The following PCBD2 variants were observed in gnomAD, a reference collection of about 807,000 sequenced individuals.
The protein encoded by PCBD2 is pterin-4 alpha-carbinolamine dehydratase 2.
In PCBD2, 12 loss-of-function variants were observed where a neutral mutation model predicts 16.4. That is an observed-to-expected ratio of 0.73 (90% confidence interval 0.47 to 1.19). The LOEUF (loss-of-function observed/expected upper bound fraction) is 1.19, where lower values mean the gene tolerates loss of function less well. Ranked by LOEUF, PCBD2 falls within the 50% of genes most tolerant of loss-of-function variation. The pLI is 0.00. For synonymous variants in PCBD2, 58 were observed against 61.8 expected (o/e 0.94, Z 0.29); for missense variants, 138 against 156.8 (o/e 0.88, Z 0.64).
intron 2 of PCBD2, among the ~76,000 whole-genome samples, chr5:134,911,881 A>G (rs1192168061): frequency 2.6e-5 from 4 of 152,344 alleles, no homozygotes; most frequent in East Asian, 3.9e-4. Context: ...AGGGAATCCC[A>G]TTGGTACAGT....
At chr5:134,911,737 T>C (rs1750771001) in intron 2 of PCBD2, among the ~76,000 whole-genome samples, 1 of 152,222 alleles carries the variant, frequency 6.6e-6, no homozygotes, top group Non-Finnish European at 1.5e-5. Flanking sequence ...TTCTGTTCTC[T>C]ATCCATCTGG....
intron 2 of PCBD2, among the ~76,000 whole-genome samples, chr5:134,954,408 A>T (rs1389028140): frequency 6.6e-6 from 1 of 152,028 alleles, no homozygotes; most frequent in Non-Finnish European, 1.5e-5. Context: ...TTTGCATTCC[A>T]TTCTGTAACT....
intron 2 of PCBD2, among the ~76,000 whole-genome samples, chr5:134,945,534 C>A (rs536474295): frequency 6.6e-6 from 1 of 152,144 alleles, no homozygotes; most frequent in East Asian, 1.9e-4. Flanking sequence ...TATAGAAATG[C>A]GGAAAAATTT....
intron 1 of PCBD2, 197 bp downstream of exon 1, chr5:134,905,420 C>T (rs1490758377): frequency 7.5e-6 from 3 of 399,186 alleles, no homozygotes; most frequent in Non-Finnish European, 1.3e-5. Context: ...TGGCCGCAGC[C>T]TCCGCCACTT....
At chr5:134,923,876 G>A (rs571022822) in intron 2 of PCBD2, 13 of 394,568 alleles carry the variant, frequency 3.3e-5, no homozygotes, top group Admixed American at 1.8e-4. Flanking sequence ...CGGTTGAAGC[G>A]TCTGGTGAGT....
chr5:134,926,833 TTA>T (rs1751006535), intron 2 of PCBD2: 2 of 397,740 alleles, frequency 5.0e-6, no homozygotes, highest in African/African-American at 4.1e-5. Context: ...AGGGCTGTGA[TTA>T]GTATGTTGAG....
At chr5:134,957,655 A>C (rs988996660) in intron 2 of PCBD2, among the ~76,000 whole-genome samples, 3 of 151,730 alleles carry the variant, frequency 2.0e-5, no homozygotes, top group Non-Finnish European at 4.4e-5. Flanking sequence ...CAGCCCCTGC[A>C]TTCCACCAGC....
chr5:134,947,846 A>T (rs144858003), intron 2 of PCBD2, among the ~76,000 whole-genome samples: 3,651 of 152,210 alleles, frequency 0.024, 59 homozygotes, highest in Middle Eastern at 0.055. Context: ...CTTAAATACA[A>T]TTTTTAAAAG....
chr5:134,938,799 C>T (rs185092291), intron 2 of PCBD2, among the ~76,000 whole-genome samples: 220 of 152,276 alleles, frequency 1.4e-3, no homozygotes, highest in African/African-American at 5.1e-3. Context: ...AAAACTCAAA[C>T]TATTTCCCAT....
chr5:134,956,335 G>A (rs183731165), intron 2 of PCBD2, among the ~76,000 whole-genome samples: 3 of 152,296 alleles, frequency 2.0e-5, no homozygotes, highest in African/African-American at 7.2e-5. Context: ...TCTTTGATCA[G>A]TATGCCTCTT....
At chr5:134,929,071 G>A (rs1341262062) in intron 2 of PCBD2, among the ~76,000 whole-genome samples, 2 of 152,158 alleles carry the variant, frequency 1.3e-5, no homozygotes, top group East Asian at 1.9e-4. Flanking sequence ...AAAAGCCAAG[G>A]TAATAGATGA....
chr5:134,929,187 T>C (rs1167700590), intron 2 of PCBD2, among the ~76,000 whole-genome samples: 1 of 151,714 alleles, frequency 6.6e-6, no homozygotes, highest in African/African-American at 2.4e-5. Flanking sequence ...AAGAAAGATT[T>C]GTTAGATAAA....
At chr5:134,919,083 T>A (rs1310885994) in intron 2 of PCBD2, among the ~76,000 whole-genome samples, 1 of 152,242 alleles carries the variant, frequency 6.6e-6, no homozygotes, top group Non-Finnish European at 1.5e-5. Flanking sequence ...AAATGGACTT[T>A]TAACTGCATA....
chr5:134,923,885 G>A (rs796849293), intron 2 of PCBD2: 1 of 394,538 alleles, frequency 2.5e-6, no homozygotes, highest in Non-Finnish European at 4.5e-6. Flanking sequence ...CGTCTGGTGA[G>A]TAGTGTATGG....
rs193167088 is a variant in PCBD2, at chr5:134,922,927, C to G, written c.216+12461C>G. ...TCCTGACCTCGTGATCCACCCACCTCCGCCTCCCAAAGTGCTGGGATTACA... is the reference window on the plus strand; with the variant it reads ...TCCTGACCTCGTGATCCACCCACCTGCGCCTCCCAAAGTGCTGGGATTACA... On this transcript the variant is annotated intron_variant, in intron 2 of 3. Transcript: ENST00000254908. 1.4e-4 allele frequency among the ~76,000 whole-genome samples: 21 copies of G among 152,286 alleles called. No individual in the cohort carries two copies. In the East Asian group the frequency reaches 4.0e-3, roughly 29 times the overall value.
chr5:134,926,651 A>G (rs1247320486), intron 2 of PCBD2: 4 of 396,696 alleles, frequency 1.0e-5, no homozygotes, highest in African/African-American at 2.1e-5. Context: ...TGGTTAAACT[A>G]TATTTACAGG....
chr5:134,939,403 G>A (rs1413518810), intron 2 of PCBD2, among the ~76,000 whole-genome samples: 1 of 151,024 alleles, frequency 6.6e-6, no homozygotes, highest in Non-Finnish European at 1.5e-5. Flanking sequence ...TTAAGCCCAT[G>A]TAATGCATAT....
chr5:134,944,574 CTG>C (rs1751269313), intron 2 of PCBD2, among the ~76,000 whole-genome samples: 3 of 151,796 alleles, frequency 2.0e-5, no homozygotes, highest in Non-Finnish European at 1.5e-5. Context: ...AACCAAAAGA[CTG>C]TGGTTTATAA....
At chr5:134,915,640 G>A (rs1210038270) in intron 2 of PCBD2, among the ~76,000 whole-genome samples, 1 of 151,320 alleles carries the variant, frequency 6.6e-6, no homozygotes, top group African/African-American at 2.4e-5. Flanking sequence ...TTGCAGAAAG[G>A]GGGTTTCTCC....
Sources: allele counts gnomAD v4.1 joint callset (sites outside exome capture counted in the v4.1 genomes callset), GRCh38; gene constraint gnomAD v4.1.1; transcripts MANE v1.5; gene names NCBI Gene and HGNC (gene_info 2026-07-23, HGNC 2026-07-21).